The following NBEA variants were observed in gnomAD, a reference collection of about 807,000 sequenced individuals.
The protein encoded by NBEA is neurobeachin.
Under a neutral mutation model 343.4 loss-of-function variants are expected in NBEA, and 44 were observed. The observed-to-expected ratio is 0.13, with a 90% CI of 0.10 to 0.16. NBEA has a LOEUF of 0.16. Among genes scored for constraint, NBEA ranks in the 10% least tolerant of loss-of-function variants. The pLI is 1.00. For synonymous variants in NBEA, 1,175 were observed against 1,238.7 expected, an observed-to-expected ratio of 0.95 and a Z score of 1.08; for missense variants, 2,555 against 3,631.3, an observed-to-expected ratio of 0.70 and a Z score of 7.62.
chr13:35,569,549 T>C (rs1038628954), intron 45 of NBEA, among the ~76,000 whole-genome samples: 9 of 152,178 alleles, frequency 5.9e-5, no homozygotes, highest in African/African-American at 2.2e-4. Flanking sequence ...TTTTTTTCTC[T>C]CCATTTATTT....
chr13:35,159,262 A>G lies in NBEA; in HGVS notation c.3091A>G (p.Thr1031Ala), dbSNP rs1313580157. 6.2e-7 allele frequency: 1 copy of G among 1,613,562 alleles called. No homozygotes were observed. Among genetic ancestry groups the G allele is most frequent in the African/African-American group, 1.3e-5 (1 of 75,044 alleles). ...AGATACTCGAGACTTACTCATGTCA[A>G]CAAAAGTGTCAGATGATATTCTTGG... The part of the protein sequence containing the change: ...STDTRDLLMS[T>A]KVSDDILGNS... Residue 1031 changes from threonine (T) to alanine (A), a missense_variant, in exon 22 of 59, where the codon ACA (threonine) becomes GCA (alanine). Around this residue, in one of 21 missense-constraint regions of NBEA, gnomAD observed 367 missense variants for 377.5 expected, o/e 0.97. Transcript: ENST00000379939.
At chr13:35,240,945 A>G (rs2030151807) in intron 34 of NBEA, among the ~76,000 whole-genome samples, 1 of 151,910 alleles carries the variant, frequency 6.6e-6, no homozygotes, top group East Asian at 1.9e-4. Context: ...AAAATATTTT[A>G]ATGTTCTCTG....
At chr13:35,141,520 C>G (rs1192965977) in intron 17 of NBEA, among the ~76,000 whole-genome samples, 1 of 152,178 alleles carries the variant, frequency 6.6e-6, no homozygotes, top group African/African-American at 2.4e-5. Flanking sequence ...CCACCTCAGC[C>G]TCTGAAAGTG....
At chr13:35,399,197 G>A (rs1594483234) in intron 38 of NBEA, among the ~76,000 whole-genome samples, 1 of 152,132 alleles carries the variant, frequency 6.6e-6, no homozygotes, top group African/African-American at 2.4e-5. Flanking sequence ...AGGAAATGTT[G>A]TGACTGTTGT....
At chr13:35,351,522 A>G (rs2040199484) in intron 37 of NBEA, among the ~76,000 whole-genome samples, 1 of 152,040 alleles carries the variant, frequency 6.6e-6, no homozygotes, top group South Asian at 2.1e-4. Flanking sequence ...GGGAAAAGGA[A>G]GGTAAGAATA....
chr13:35,457,529 G>A (rs961593851), intron 40 of NBEA, among the ~76,000 whole-genome samples: 14 of 152,108 alleles, frequency 9.2e-5, no homozygotes, highest in African/African-American at 2.2e-4. Context: ...CATACAAATG[G>A]AATCATAGAT....
At chr13:35,493,990 C>A (rs1399738926) in intron 41 of NBEA, among the ~76,000 whole-genome samples, 1 of 151,508 alleles carries the variant, frequency 6.6e-6, no homozygotes, top group Non-Finnish European at 1.5e-5. Flanking sequence ...TTAATGATTT[C>A]TTTATAATGT....
chr13:35,566,857 A>G (rs756992296), intron 44 of NBEA, 48 bp from the exon 45 acceptor site: 7 of 1,004,910 alleles, frequency 7.0e-6, no homozygotes, highest in Admixed American at 2.2e-5. Context: ...AAACTATTTC[A>G]TAAGCATTTT....
intron 34 of NBEA, among the ~76,000 whole-genome samples, chr13:35,254,666 A>AT (rs2152791786): frequency 6.6e-6 from 1 of 152,160 alleles, no homozygotes; most frequent in East Asian, 1.9e-4. Context: ...CAATACTTTA[A>AT]TTTTGTTCCT....
intron 21 of NBEA, among the ~76,000 whole-genome samples, chr13:35,158,579 T>C (rs17051890): frequency 0.016 from 2,435 of 152,266 alleles, 67 homozygotes; most frequent in African/African-American, 0.05. Flanking sequence ...GTGAATTTTT[T>C]AACATCAGTT....
intron 34 of NBEA, among the ~76,000 whole-genome samples, chr13:35,263,848 A>G (rs2033433127): frequency 6.6e-6 from 1 of 152,004 alleles, no homozygotes; most frequent in Admixed American, 6.6e-5. Context: ...CACAACCTAC[A>G]GTGTACCTCA....
chr13:35,323,473 C>A (rs2038312305), intron 36 of NBEA, among the ~76,000 whole-genome samples: 2 of 150,068 alleles, frequency 1.3e-5, no homozygotes, highest in Non-Finnish European at 2.9e-5. Flanking sequence ...GAACAAAAAA[C>A]CAAACACCAC....
At chr13:35,206,020 C>G (rs2073370981) in intron 31 of NBEA, among the ~76,000 whole-genome samples, 1 of 152,032 alleles carries the variant, frequency 6.6e-6, no homozygotes, top group Admixed American at 6.6e-5. Context: ...GCCATACTGT[C>G]AAACTCTGCT....
At chr13:34,988,360 G>A (rs749845621) in intron 1 of NBEA, among the ~76,000 whole-genome samples, 3 of 151,142 alleles carry the variant, frequency 2.0e-5, no homozygotes, top group Non-Finnish European at 4.4e-5. Context: ...GTCTGCAGAT[G>A]TTTCTGCTGC....
At chr13:35,112,068 C>CA (rs1239603664) in intron 13 of NBEA, among the ~76,000 whole-genome samples, 2 of 151,832 alleles carry the variant, frequency 1.3e-5, no homozygotes, top group African/African-American at 4.8e-5. Context: ...AGGCGCCTGC[C>CA]AGCACGCCCG....
chr13:35,566,674 A>G (rs933092266), intron 44 of NBEA, among the ~76,000 whole-genome samples: 1 of 152,216 alleles, frequency 6.6e-6, no homozygotes, highest in Non-Finnish European at 1.5e-5. Flanking sequence ...AATCAATTAC[A>G]ATAACCAGCC....
intron 41 of NBEA, among the ~76,000 whole-genome samples, chr13:35,526,195 T>G (rs2077966338): frequency 6.6e-6 from 1 of 152,226 alleles, no homozygotes; most frequent in African/African-American, 2.4e-5. Flanking sequence ...TATTAAGAAC[T>G]TCTACATTTT....
intron 41 of NBEA, among the ~76,000 whole-genome samples, chr13:35,523,744 T>G (rs2077832902): frequency 6.6e-6 from 1 of 152,240 alleles, no homozygotes; most frequent in South Asian, 2.1e-4. Flanking sequence ...ATTTGTACTT[T>G]TTCTCTCTCT....
chr13:35,087,866 A>T (rs553335697), intron 10 of NBEA, among the ~76,000 whole-genome samples: 109 of 152,052 alleles, frequency 7.2e-4, no homozygotes, highest in African/African-American at 2.5e-3. Flanking sequence ...TACATTAGAG[A>T]TAAGATGAAG....
Sources: gnomAD v4.1 joint callset for allele counts (sites outside exome capture counted in the v4.1 genomes callset) on GRCh38, gnomAD v4.1.1 for gene constraint, gnomAD v4.1.1 regional missense constraint, MANE v1.5 for transcripts, NCBI Gene and HGNC (gene_info 2026-07-23, HGNC 2026-07-21) for gene names.